Variants in EFL1 observed in about 807,000 individuals in gnomAD.
EFL1 encodes elongation factor-like GTPase 1.
A neutral mutation model predicts 126.7 loss-of-function variants in EFL1; 76 were observed. The ratio of observed to expected loss-of-function variants is 0.60; its 90% CI spans 0.50 to 0.73. The LOEUF is 0.73. EFL1 is among the 30% of genes least tolerant of loss of function. The pLI, the probability that EFL1 is intolerant of heterozygous loss-of-function variation, is 0.00. For synonymous variants in EFL1, 410 were observed against 448.4 expected, an observed-to-expected ratio of 0.91 and a Z score of 1.08; for missense variants, 1,128 against 1,343.2, an observed-to-expected ratio of 0.84 and a Z score of 2.50.
chr15:82,131,159 A>G (rs1201321597), intron 19 of EFL1, among the ~76,000 whole-genome samples: 1 of 152,234 alleles, frequency 6.6e-6, no homozygotes, highest in African/African-American at 2.4e-5. Flanking sequence ...TTAATTTTTC[A>G]TAATATAATT....
At chr15:82,257,425 T>G (rs2075075981) in intron 3 of EFL1, among the ~76,000 whole-genome samples, 1 of 152,172 alleles carries the variant, frequency 6.6e-6, no homozygotes, top group African/African-American at 2.4e-5. Context: ...TACTATGCTT[T>G]CTATATGTCC....
At chr15:82,173,943 A>G (rs1030196395) in intron 15 of EFL1, among the ~76,000 whole-genome samples, 1 of 152,106 alleles carries the variant, frequency 6.6e-6, no homozygotes, top group African/African-American at 2.4e-5. Flanking sequence ...TAATCCCAGC[A>G]CTTTGGGAGG....
intron 15 of EFL1, among the ~76,000 whole-genome samples, chr15:82,187,174 C>A (rs904896479): frequency 5.3e-5 from 8 of 152,146 alleles, no homozygotes; most frequent in African/African-American, 1.9e-4. Context: ...TAGTGCTTTC[C>A]TACAGAGGCG....
At chr15:82,135,418 C>T (rs190630769) in intron 19 of EFL1, among the ~76,000 whole-genome samples, 104 of 152,050 alleles carry the variant, frequency 6.8e-4, no homozygotes, top group Non-Finnish European at 1.0e-3. Context: ...CCTAAATATC[C>T]GTTCTCTACC....
At chr15:82,261,399 T>C (rs1047298370) in intron 2 of EFL1, among the ~76,000 whole-genome samples, 2 of 152,244 alleles carry the variant, frequency 1.3e-5, no homozygotes, top group Non-Finnish European at 2.9e-5. Flanking sequence ...ATGTCAAGAC[T>C]ACAGACATTT....
intron 15 of EFL1, among the ~76,000 whole-genome samples, chr15:82,210,872 A>T (rs2141291924): frequency 6.6e-6 from 1 of 151,826 alleles, no homozygotes; most frequent in South Asian, 2.1e-4. Context: ...CAAAAAAAAA[A>T]AAAAAAATAG....
intron 18 of EFL1, among the ~76,000 whole-genome samples, chr15:82,145,696 T>G (rs997455770): frequency 6.7e-6 from 1 of 149,534 alleles, no homozygotes; most frequent in Non-Finnish European, 1.5e-5. Context: ...TAGCCGGGAG[T>G]GGTGGCGGGT....
Position 82,229,108 on chromosome 15 carries a change from G to T in EFL1, c.858C>A (p.Ala286=). ...GTACAAATAAAGGTTTCTTTCCTTT[G>T]GCCTGTACAAAAGAACATACGGGCT... The part of the protein sequence containing the change: ...KAKKIMKGDQ[A]KGKKPLFVQL... Residue 286 remains alanine (A), a splice_region_variant and synonymous_variant, in exon 9 of 20, where the codon GCC becomes GCA. Transcript: ENST00000268206. 5.0e-6 allele frequency: 8 copies of T among 1,608,620 alleles called. No individual in the cohort carries two copies. Among genetic ancestry groups the T allele is most frequent in the Non-Finnish European group, 6.8e-6 (8 of 1,178,690 alleles).
rs751006899 is a variant in EFL1 at position 82,230,916 on chromosome 15, G to C, written c.787C>G (p.Leu263Val). 3.1e-6 allele frequency: 5 copies of C among 1,613,250 alleles called. No homozygotes were observed. In the African/African-American group the frequency reaches 4.0e-5, roughly 13 times the overall value. The change falls in exon 8 of 20, where the codon CTT becomes GTT. Residue 263 changes from leucine to valine, a missense_variant. Transcript: ENST00000268206. ...TAATCTCCCCACAAGGTTTTCATAA[G>C]AACTTCCTTTTTGATGCCAATTTTT... is the stretch of plus-strand genomic sequence containing the variant. ...SQKIGIKKEV[L>V]MKTLWGDYYI...
At chr15:82,186,722 C>G (rs547619204) in intron 15 of EFL1, among the ~76,000 whole-genome samples, 1 of 152,184 alleles carries the variant, frequency 6.6e-6, no homozygotes, top group Non-Finnish European at 1.5e-5. Flanking sequence ...CATTTCCAGA[C>G]CTGAGTGTTC....
intron 15 of EFL1, among the ~76,000 whole-genome samples, chr15:82,203,480 A>ATTC (rs1423855175): frequency 6.6e-6 from 1 of 152,076 alleles, no homozygotes; most frequent in African/African-American, 2.4e-5. Flanking sequence ...GGTTCAAGCA[A>ATTC]TTCTCTGCCT....
At chr15:82,200,787 T>A (rs185545763) in intron 15 of EFL1, among the ~76,000 whole-genome samples, 2,741 of 152,330 alleles carry the variant, frequency 0.018, 28 homozygotes, top group Non-Finnish European at 0.026. Context: ...CAAGAAAGTA[T>A]TTTGCTTTCA....
At chr15:82,200,298 A>G (rs1043765630) in intron 15 of EFL1, among the ~76,000 whole-genome samples, 1 of 152,200 alleles carries the variant, frequency 6.6e-6, no homozygotes, top group African/African-American at 2.4e-5. Flanking sequence ...TTTTTTTAAA[A>G]AAGAGGGAAA....
At chr15:82,182,743 T>C (rs2074264632) in intron 15 of EFL1, among the ~76,000 whole-genome samples, 1 of 151,500 alleles carries the variant, frequency 6.6e-6, no homozygotes, top group Admixed American at 6.6e-5. Context: ...GAGAATGGCA[T>C]GAACCTGGGA....
In EFL1 at chr15:82,238,333, G is replaced by A; in HGVS notation, c.705C>T (p.Thr235=). ...CAAAGCCCCACCCATCTATTGCACT[G>A]GTAAACACCACATTTCCCTGTTCTG... The part of the protein sequence containing the change: ...FSPEQGNVVF[T]SAIDGWGFGI... The change falls in exon 7 of 20, where the codon ACC becomes ACT. Residue 235 remains threonine (T), a synonymous_variant. Transcript: ENST00000268206. 1.2e-6 allele frequency: 2 copies of A among 1,614,116 alleles called. No individual in the cohort carries two copies. Among genetic ancestry groups the A allele is most frequent in the Non-Finnish European group, 1.7e-6 (2 of 1,180,012 alleles).
At chr15:82,214,199 T>C (rs368055643) in intron 15 of EFL1, among the ~76,000 whole-genome samples, 2 of 152,214 alleles carry the variant, frequency 1.3e-5, no homozygotes, top group East Asian at 1.9e-4. Flanking sequence ...AAGTGAATTC[T>C]GCACATGGGG....
chr15:82,139,501 T>C lies in EFL1; in HGVS notation c.2990-659A>G, dbSNP rs545788803. 3.3e-5 allele frequency among the ~76,000 whole-genome samples: 5 copies of C among 152,312 alleles called. 1 individual carries two copies. The South Asian group carries it at 1.0e-3, about 32-fold the overall frequency. Reference sequence around the variant, plus strand: ...TCTCTTGGATGACTCTTTCAATTCATCTTTAGGCACAATTCTGCCTCACAC... The same window carrying C: ...TCTCTTGGATGACTCTTTCAATTCACCTTTAGGCACAATTCTGCCTCACAC... On this transcript the variant is annotated intron_variant, in intron 18 of 19. Coordinates refer to ENST00000268206, the MANE Select transcript of EFL1 (RefSeq NM_024580.6).
intron 16 of EFL1, among the ~76,000 whole-genome samples, chr15:82,162,603 C>T (rs887463837): frequency 3.3e-5 from 5 of 152,140 alleles, no homozygotes; most frequent in African/African-American, 7.2e-5. Context: ...GGGATAAATC[C>T]GTGTAGCAAC....
chr15:82,260,307 G>A (rs1467573711), intron 2 of EFL1, among the ~76,000 whole-genome samples: 2 of 152,002 alleles, frequency 1.3e-5, no homozygotes, highest in Non-Finnish European at 2.9e-5. Flanking sequence ...AACTCATGGA[G>A]GCAGGGGTTA....
Sources: allele counts gnomAD v4.1 joint callset (sites outside exome capture counted in the v4.1 genomes callset), GRCh38; gene constraint gnomAD v4.1.1; transcripts MANE v1.5; gene names NCBI Gene and HGNC (gene_info 2026-07-23, HGNC 2026-07-21).